Variants in TGM3 observed in about 807,000 individuals in gnomAD.
TGM3 encodes transglutaminase 3.
A neutral mutation model predicts 73.8 loss-of-function variants in TGM3; 52 were observed. The observed-to-expected ratio is 0.70, with a 90% CI of 0.56 to 0.89. The LOEUF (loss-of-function observed/expected upper bound fraction) is 0.89. Ranked by LOEUF, TGM3 falls within the 40% of genes least tolerant of loss-of-function variation. TGM3 has a pLI of 0.00. For missense variants in TGM3, 928 were observed against 909.9 expected, an observed-to-expected ratio of 1.02 and a Z score of -0.26; for synonymous variants, 372 against 354.9, an observed-to-expected ratio of 1.05 and a Z score of -0.54.
intron 7 of TGM3, among the ~76,000 whole-genome samples, chr20:2,320,423 C>T (rs975241871): frequency 2.0e-5 from 3 of 152,258 alleles, no homozygotes; most frequent in South Asian, 2.1e-4. Flanking sequence ...ACAAAGGCCC[C>T]GAGAGAAGTA....
intron 8 of TGM3, 36 bp downstream of exon 8, chr20:2,325,988 TCA>T: frequency 1.3e-6 from 2 of 1,559,354 alleles, no homozygotes; most frequent in Non-Finnish European, 1.7e-6. Context: ...GTCGTGAGCC[TCA>T]CAGTTATTTA....
At chr20:2,331,708 T>C (rs2084321590) in intron 9 of TGM3, among the ~76,000 whole-genome samples, 1 of 152,242 alleles carries the variant, frequency 6.6e-6, no homozygotes, top group Non-Finnish European at 1.5e-5. Context: ...AAATGGAATC[T>C]AACCTAATTA....
intron 8 of TGM3, among the ~76,000 whole-genome samples, chr20:2,327,314 CA>C (rs1332804892): frequency 1.1e-3 from 160 of 143,320 alleles, no homozygotes; most frequent in Middle Eastern, 3.6e-3. Flanking sequence ...ACTAAAATTA[CA>C]AAAAAAAAAA....
chr20:2,297,682 T>G (rs2084117943), intron 1 of TGM3, among the ~76,000 whole-genome samples: 1 of 152,186 alleles, frequency 6.6e-6, no homozygotes, highest in South Asian at 2.1e-4. Context: ...GGCGAATACA[T>G]TCAGTCCCTT....
At chr20:2,330,683 G>A (rs2084315692) in intron 9 of TGM3, among the ~76,000 whole-genome samples, 1 of 152,182 alleles carries the variant, frequency 6.6e-6, no homozygotes, top group African/African-American at 2.4e-5. Context: ...TTTATGGGAA[G>A]GGGCTTGCTG....
rs1345280707 is a variant in TGM3, at chr20:2,340,570, G to A, written c.2071G>A (p.Val691Ile). The A allele has an allele frequency of 6.2e-7, 1 of 1,614,194 alleles. No homozygotes were observed. The highest frequency in any genetic ancestry group is 8.5e-7 in the Non-Finnish European group (1 of 1,180,028). Residue 691 changes from valine (V) to isoleucine (I), a missense_variant, in exon 13 of 13, where the codon GTA (valine) becomes ATA (isoleucine). By Grantham distance (29) the Val-to-Ile change is conservative. Transcript: ENST00000381458. ...AATCAAGGCCATGTTGTCCATCGAT[G>A]TAGCCGAATGAAGGGCGCTGGTGGC... The part of the protein sequence containing the change: ...PAIKAMLSID[V>I]AE
chr20:2,300,112 A>T (rs1232933603), intron 1 of TGM3, among the ~76,000 whole-genome samples: 3 of 151,772 alleles, frequency 2.0e-5, no homozygotes, highest in African/African-American at 4.8e-5. Context: ...ATTTAAAAAA[A>T]AAATAAAGAA....
chr20:2,332,003 C>T lies in TGM3; in HGVS notation c.1335C>T (p.Gly445=), dbSNP rs374305347. 16 of 1,598,116 alleles carry T rather than the reference C, an allele frequency of 1.0e-5. No homozygotes were observed. Among genetic ancestry groups the T allele is most frequent in the East Asian group, 4.5e-5 (2 of 44,846 alleles). ...TTTCTGTCTTTTCCCACCACACAGGCTCTGACCAGGAAAGACAAGTGTTCC... is the reference window on the plus strand; with the variant it reads ...TTTCTGTCTTTTCCCACCACACAGGTTCTGACCAGGAAAGACAAGTGTTCC... ...DVTDKYKYPE[G]SDQERQVFQK... Residue 445 remains glycine, a splice_region_variant and synonymous_variant, in exon 10 of 13, where the codon GGC becomes GGT. Coordinates refer to ENST00000381458, the MANE Select transcript of TGM3 (RefSeq NM_003245.4). The surrounding 1 kb of genome is among the most constrained non-coding windows in gnomAD (Gnocchi z 4.4).
chr20:2,314,530 T>TACACACACACACACAC (rs11473649), intron 5 of TGM3, among the ~76,000 whole-genome samples: 10 of 136,794 alleles, frequency 7.3e-5, no homozygotes, highest in African/African-American at 2.8e-4. Flanking sequence ...CATCTACACA[T>TACACACACACACACAC]ACACACACAC....
At chr20:2,336,179 G>A (rs1010411466) in intron 11 of TGM3, among the ~76,000 whole-genome samples, 5 of 151,114 alleles carry the variant, frequency 3.3e-5, no homozygotes, top group South Asian at 4.2e-4. Context: ...GCACCTGTGC[G>A]GACTCCAAGC....
rs1193476847 is a variant in TGM3, at chr20:2,328,106, A to C, written c.1088-14A>C. On this transcript the variant is annotated splice_polypyrimidine_tract_variant and intron_variant, in intron 8 of 12. Transcript: ENST00000381458. The surrounding 1 kb of genome is among the most constrained non-coding windows in gnomAD (Gnocchi z 5.2). ...GCCTTGGCATATATCCAGCCTCTGCATCTTGGCCTCCAGGGGTGTTCCAGT... is the reference window on the plus strand; with the variant it reads ...GCCTTGGCATATATCCAGCCTCTGCCTCTTGGCCTCCAGGGGTGTTCCAGT... The C allele has an allele frequency of 6.2e-7, 1 of 1,614,136 alleles. No homozygotes were observed. Among genetic ancestry groups the C allele is most frequent in the Non-Finnish European group, 8.5e-7 (1 of 1,180,006 alleles).
rs2084376247 is a variant in TGM3 at position 2,340,555 on chromosome 20, A to G, written c.2056A>G (p.Met686Val). The G allele has an allele frequency of 1.9e-6, 3 of 1,614,014 alleles. No homozygotes were observed. The highest frequency in any genetic ancestry group is 1.6e-4 in the Middle Eastern group (1 of 6,084). The stretch of plus-strand genomic sequence containing the variant: ...CAACAAGTTCCCTGCAATCAAGGCC[A>G]TGTTGTCCATCGATGTAGCCGAATG... ...SCNKFPAIKA[M>V]LSIDVAE The change falls in exon 13 of 13, where the codon ATG becomes GTG. Residue 686 changes from methionine (M) to valine (V), a missense_variant. Transcript: ENST00000381458.
At chr20:2,325,434 A>G (rs996419544) in intron 7 of TGM3, among the ~76,000 whole-genome samples, 2 of 152,158 alleles carry the variant, frequency 1.3e-5, no homozygotes, top group African/African-American at 4.8e-5. Context: ...AACACCAAGC[A>G]CAGAAGCATA....
chr20:2,304,349 A>C (rs1788614731), intron 1 of TGM3, among the ~76,000 whole-genome samples: 2 of 152,182 alleles, frequency 1.3e-5, no homozygotes, highest in Non-Finnish European at 2.9e-5. Flanking sequence ...TGGAAGCTTG[A>C]TGAGCACGCT....
At position 2,327,273 on chromosome 20, in the gene TGM3, A is replaced by G. The variant is rs546394601; in HGVS notation, c.1088-847A>G. Among the ~76,000 whole-genome samples the G allele has an allele frequency of 2.6e-5, 4 of 152,098 alleles. No homozygotes were observed. In the South Asian group the frequency reaches 8.3e-4, roughly 32 times the overall value. On this transcript the variant is annotated intron_variant, in intron 8 of 12. Coordinates refer to ENST00000381458, the MANE Select transcript of TGM3 (RefSeq NM_003245.4). ...ATCACGAGGTCAGGAGATCGAGACC[A>G]TCCTGGCTAACATGGTGAAACCCCG... is the stretch of plus-strand genomic sequence containing the variant.
chr20:2,331,759 G>C (rs2084321830), intron 9 of TGM3, among the ~76,000 whole-genome samples: 1 of 152,088 alleles, frequency 6.6e-6, no homozygotes, highest in Admixed American at 6.5e-5. Flanking sequence ...TTGTGTGCAG[G>C]TGTGATAAAG....
intron 8 of TGM3, among the ~76,000 whole-genome samples, chr20:2,326,658 G>A (rs1402360644): frequency 6.6e-6 from 1 of 152,134 alleles, no homozygotes; most frequent in Non-Finnish European, 1.5e-5. Context: ...AGACCAGCCT[G>A]ACCAACATGG....
intron 8 of TGM3, among the ~76,000 whole-genome samples, chr20:2,327,181 T>C (rs2084292521): frequency 1.3e-5 from 2 of 151,972 alleles, no homozygotes; most frequent in African/African-American, 4.8e-5. Flanking sequence ...TTAGATATAG[T>C]TAGACTAGGC....
rs981956098 is a variant in TGM3, at chr20:2,312,236, C to G, written c.541-662C>G. Among the ~76,000 whole-genome samples the G allele has an allele frequency of 3.3e-5, 5 of 151,130 alleles. No homozygotes were observed. In the East Asian group the frequency reaches 7.8e-4, roughly 24 times the overall value. On this transcript the variant is annotated intron_variant, in intron 4 of 12. Coordinates refer to ENST00000381458, the MANE Select transcript of TGM3 (RefSeq NM_003245.4). Reference sequence around the variant, plus strand: ...CCTATATGGCAAAACCCTGTCTCTACTAAAAATACAAAAATTGGCCAGGTG... The same window carrying G: ...CCTATATGGCAAAACCCTGTCTCTAGTAAAAATACAAAAATTGGCCAGGTG...
Sources: gnomAD v4.1 joint callset for allele counts (sites outside exome capture counted in the v4.1 genomes callset) on GRCh38, gnomAD v4.1.1 for gene constraint, Gnocchi (gnomAD v3.1) non-coding constraint, MANE v1.5 for transcripts, NCBI Gene and HGNC (gene_info 2026-07-23, HGNC 2026-07-21) for gene names.